FBXO28: variants seen among roughly 807,000 people sequenced by gnomAD.
The protein encoded by FBXO28 is F-box only protein 28.
FBXO28 carries 8 observed loss-of-function variants against 38.1 expected under a neutral mutation model. That is an observed-to-expected ratio of 0.21 (90% CI 0.12 to 0.38). The LOEUF is 0.38. Among genes scored for constraint, FBXO28 ranks in the 10% least tolerant of loss-of-function variants. The pLI, the probability that FBXO28 is intolerant of heterozygous loss-of-function variation, is 1.00. For synonymous variants in FBXO28, 168 were observed against 173.8 expected, an observed-to-expected ratio of 0.97 and a Z score of 0.26; for missense variants, 345 against 460.6, an observed-to-expected ratio of 0.75 and a Z score of 2.30.
rs1300587240 is a variant in FBXO28, at chr1:224,151,902, T to TTG, written c.517-1240_517-1239insTG. Among the ~76,000 whole-genome samples the TTG allele has an allele frequency of 3.0e-4, 46 of 151,850 alleles. 1 individual carries two copies. Among genetic ancestry groups the TTG allele is most frequent in the African/African-American group, 9.9e-4 (41 of 41,374 alleles). ...TACTAAAAATACAAAATTAGCCAGG[T>TTG]GTGGTGGCACATGTCTGTAATCCCA... On this transcript the variant is annotated intron_variant, in intron 3 of 4. Transcript: ENST00000366862.
At chr1:224,152,113 C>T (rs544211009) in intron 3 of FBXO28, among the ~76,000 whole-genome samples, 7 of 151,768 alleles carry the variant, frequency 4.6e-5, no homozygotes, top group Non-Finnish European at 8.8e-5. Flanking sequence ...ATAACCTCAC[C>T]GAGATGAAAG....
rs1230801160 is a variant in FBXO28 at position 224,114,371 on chromosome 1, A to G, written c.242A>G (p.Tyr81Cys). ...GAGAACATCCTCAGCTTTATGTCCT[A>G]CGACGAAATTAGCCAGCTCCGCCTG... The part of the protein sequence containing the change: ...AIENILSFMS[Y>C]DEISQLRLVC... The change falls in exon 1 of 5, where the codon TAC (tyrosine) becomes TGC (cysteine). Residue 81 changes from tyrosine (Y) to cysteine (C), a missense_variant. Tyr to Cys is a radical substitution (Grantham distance 194). Coordinates refer to ENST00000366862, the MANE Select transcript of FBXO28 (RefSeq NM_015176.4). 1.3e-6 allele frequency: 2 copies of G among 1,594,094 alleles called. No homozygotes were observed. The highest frequency in any genetic ancestry group is 1.3e-5 in the African/African-American group (1 of 74,116).
intron 3 of FBXO28, among the ~76,000 whole-genome samples, chr1:224,151,202 C>G (rs1376027172): frequency 6.6e-6 from 1 of 152,188 alleles, no homozygotes; most frequent in Non-Finnish European, 1.5e-5. Flanking sequence ...CTCCTGAACT[C>G]CCATCCTGTA....
chr1:224,143,263 G>A (rs181001367), intron 3 of FBXO28, among the ~76,000 whole-genome samples: 27 of 151,430 alleles, frequency 1.8e-4, no homozygotes, highest in Non-Finnish European at 2.9e-4. Flanking sequence ...ATCAGTTCCC[G>A]GCCAGGGCCA....
chr1:224,130,855 ATGATCTT>A (rs1240369493), intron 2 of FBXO28: 1 of 290,154 alleles, frequency 3.4e-6, no homozygotes, highest in African/African-American at 2.8e-5. Context: ...CACAGATGAT[ATGATCTT>A]GTGGATAAGG....
intron 3 of FBXO28, among the ~76,000 whole-genome samples, chr1:224,145,293 C>CAAAAAAAAAAAA (rs3035404): frequency 4.1e-5 from 3 of 73,570 alleles, no homozygotes; most frequent in African/African-American, 5.8e-5. Context: ...GACTACATCT[C>CAAAAAAAAAAAA]AAAAAAAAAA....
At chr1:224,133,786 C>G (rs964224875) in intron 2 of FBXO28, among the ~76,000 whole-genome samples, 1 of 151,920 alleles carries the variant, frequency 6.6e-6, no homozygotes, top group Non-Finnish European at 1.5e-5. Context: ...GCTGGGATTA[C>G]AGGCGTGAGC....
chr1:224,153,304 G>C lies in FBXO28; in HGVS notation c.679G>C (p.Asp227His). The C allele has an allele frequency of 1.2e-6, 2 of 1,606,104 alleles. No individual in the cohort carries two copies. Among genetic ancestry groups the C allele is most frequent in the Non-Finnish European group, 8.5e-7 (1 of 1,176,908 alleles). Reference protein sequence around the residue: ...PILKRKLPGSDVSGRLMGSPP... With the variant: ...PILKRKLPGSHVSGRLMGSPP... ...TTTAAAGAGGAAATTACCAGGATCA[G>C]ATGTTTCTGGAAGACTCATGGGCTC... is the stretch of plus-strand genomic sequence containing the variant. Residue 227 changes from aspartate to histidine, a missense_variant, in exon 4 of 5, where the codon GAT becomes CAT. By Grantham distance (81) the Asp-to-His change is moderately conservative (BLOSUM62 -1). This residue lies in a region of FBXO28 where 151 missense variants were observed against 188.3 expected (regional missense o/e 0.80). Transcript: ENST00000366862.
At chr1:224,133,806 C>T (rs774712904) in intron 2 of FBXO28, among the ~76,000 whole-genome samples, 5 of 147,822 alleles carry the variant, frequency 3.4e-5, no homozygotes, top group East Asian at 3.9e-4. Context: ...CCTCCAAGCC[C>T]GGCCCCAAAA....
chr1:224,117,637 A>G (rs1656673258), intron 1 of FBXO28, among the ~76,000 whole-genome samples: 1 of 152,216 alleles, frequency 6.6e-6, no homozygotes, highest in Admixed American at 6.5e-5. Flanking sequence ...GTGCTGATGC[A>G]GCATTAGTAT....
At chr1:224,134,744 G>C (rs1342616732) in intron 3 of FBXO28, among the ~76,000 whole-genome samples, 4 of 152,132 alleles carry the variant, frequency 2.6e-5, no homozygotes, top group Admixed American at 6.5e-5. Context: ...CCATTACTAA[G>C]TTAATAAAAA....
chr1:224,148,254 G>A (rs7531891), intron 3 of FBXO28, among the ~76,000 whole-genome samples: 62,789 of 151,960 alleles, frequency 0.41, 13,151 homozygotes, highest in East Asian at 0.57. Context: ...CTTTGGAACC[G>A]ATCTAATAAT....
intron 1 of FBXO28, among the ~76,000 whole-genome samples, chr1:224,125,546 C>T (rs1004686131): frequency 7.9e-5 from 12 of 152,088 alleles, no homozygotes; most frequent in African/African-American, 2.9e-4. Context: ...GCCAGCTCTC[C>T]CAATACCAGA....
intron 3 of FBXO28, among the ~76,000 whole-genome samples, chr1:224,134,545 C>CT (rs1460326346): frequency 6.6e-6 from 1 of 152,134 alleles, no homozygotes; most frequent in African/African-American, 2.4e-5. Context: ...GCCTTCAAGA[C>CT]TATTATAATT....
At chr1:224,136,645 A>G (rs1269092956) in intron 3 of FBXO28, among the ~76,000 whole-genome samples, 3 of 150,508 alleles carry the variant, frequency 2.0e-5, no homozygotes, top group Non-Finnish European at 4.4e-5. Context: ...GGAGAATGGC[A>G]TGAACCTGGG....
At chr1:224,118,939 C>G (rs2172361) in intron 1 of FBXO28, among the ~76,000 whole-genome samples, 62,246 of 151,822 alleles carry the variant, frequency 0.41, 12,952 homozygotes, top group East Asian at 0.57. Flanking sequence ...GAAAATTCCA[C>G]TGGATACTCG....
rs1657825556 is a variant in FBXO28, at chr1:224,158,627, C to A, written c.*881C>A. ...AGACTATTAAAGCCCATTGCTTTAT[C>A]TGCTCTCTGTAGGGTTCAGGTACAC... is the stretch of plus-strand genomic sequence containing the variant. On this transcript the variant is annotated 3_prime_UTR_variant, in exon 5 of 5. Transcript: ENST00000366862. 1 of 152,212 alleles carries A rather than the reference C, an allele frequency of 6.6e-6. No homozygotes were observed. The highest frequency in any genetic ancestry group is 2.4e-5 in the African/African-American group (1 of 41,432). 9.4% of individuals were successfully genotyped at this position (152,212 alleles called of 1,614,324 possible). A position where few individuals can be genotyped will look rare whatever the true frequency, so the allele number is the denominator to read the frequency against.
At chr1:224,131,133 T>G (rs191892793) in intron 2 of FBXO28, 2 of 152,272 alleles carry the variant, frequency 1.3e-5, no homozygotes, top group African/African-American at 4.8e-5. Flanking sequence ...AAAGGCATTC[T>G]GTGTTCATGG....
intron 2 of FBXO28, among the ~76,000 whole-genome samples, chr1:224,131,800 A>C (rs1657054762): frequency 6.6e-6 from 1 of 152,220 alleles, no homozygotes; most frequent in East Asian, 1.9e-4. Flanking sequence ...AAAAGAAAAA[A>C]TTAAGCAAAT....
Sources: gnomAD v4.1 joint callset for allele counts (sites outside exome capture counted in the v4.1 genomes callset) on GRCh38, gnomAD v4.1.1 for gene constraint, gnomAD v4.1.1 regional missense constraint, MANE v1.5 for transcripts, NCBI Gene and HGNC (gene_info 2026-07-23, HGNC 2026-07-21) for gene names.